The following ZNF521 variants were observed in gnomAD, a reference collection of about 807,000 sequenced individuals.
ZNF521 encodes the protein LYST-interacting protein 3.
Under a neutral mutation model 105.5 loss-of-function variants are expected in ZNF521, and 14 were observed. The ratio of observed to expected loss-of-function variants is 0.13; its 90% CI spans 0.09 to 0.21. The LOEUF (loss-of-function observed/expected upper bound fraction) is 0.21. Among genes scored for constraint, ZNF521 ranks in the 10% least tolerant of loss-of-function variants. The pLI is 1.00. For missense variants in ZNF521, 1,233 were observed against 1,629.7 expected, an observed-to-expected ratio of 0.76 and a Z score of 4.19; for synonymous variants, 635 against 606.0, an observed-to-expected ratio of 1.05 and a Z score of -0.70.
chr18:25,214,213 G>C (rs2036241654), intron 4 of ZNF521, among the ~76,000 whole-genome samples: 1 of 151,956 alleles, frequency 6.6e-6, no homozygotes, highest in Non-Finnish European at 1.5e-5. Flanking sequence ...AAGTCATTTT[G>C]CTCCTCATTC....
chr18:25,090,720 C>A (rs1372838148), intron 6 of ZNF521, among the ~76,000 whole-genome samples: 1 of 152,108 alleles, frequency 6.6e-6, no homozygotes, highest in Non-Finnish European at 1.5e-5. Flanking sequence ...AGGCTTCTGG[C>A]TACAACATGA....
chr18:25,206,668 G>A (rs2036086476), intron 4 of ZNF521, among the ~76,000 whole-genome samples: 1 of 151,372 alleles, frequency 6.6e-6, no homozygotes. Context: ...CTTTCTCTTA[G>A]CAGTTCTTAC....
chr18:25,062,749 TAACAAAAAAAAAAAAA>T lies in ZNF521; in HGVS notation c.3907-24_3907-9del. On this transcript the variant is annotated splice_polypyrimidine_tract_variant and intron_variant, in intron 7 of 7. Coordinates refer to ENST00000361524, the MANE Select transcript of ZNF521 (RefSeq NM_015461.3). ...TTGGGTCATTGTATGATTCTGTAAA[TAACAAAAAAAAAAAAA>T]AAAAAAAAAAAAAAAAAAAAGAGAA... 1 of 204,570 alleles carries T rather than the reference TAACAAAAAAAAAAAAA, an allele frequency of 4.9e-6. No individual in the cohort carries two copies. The highest frequency in any genetic ancestry group is 7.1e-6 in the Non-Finnish European group (1 of 140,840). The allele number at this position is 204,570 out of a possible 1,614,324, so 12.7% of individuals were successfully genotyped here.
intron 3 of ZNF521, among the ~76,000 whole-genome samples, chr18:25,319,819 T>G (rs1912840397): frequency 6.6e-6 from 1 of 152,160 alleles, no homozygotes; most frequent in African/African-American, 2.4e-5. Context: ...TCTGATGCAC[T>G]GAGAAGGGTG....
intron 4 of ZNF521, among the ~76,000 whole-genome samples, chr18:25,197,220 A>AT (rs1289008863): frequency 1.3e-5 from 2 of 151,836 alleles, no homozygotes; most frequent in Non-Finnish European, 3.0e-5. Flanking sequence ...ACTATGTTAT[A>AT]TTTTTTATTA....
At chr18:25,188,565 C>A (rs1243493416) in intron 5 of ZNF521, among the ~76,000 whole-genome samples, 1 of 152,138 alleles carries the variant, frequency 6.6e-6, no homozygotes, top group African/African-American at 2.4e-5. Flanking sequence ...AAATGCTTTG[C>A]AAGCTTCATT....
chr18:25,194,056 A>G (rs1157424377), intron 5 of ZNF521, among the ~76,000 whole-genome samples: 1 of 151,864 alleles, frequency 6.6e-6, no homozygotes, highest in African/African-American at 2.4e-5. Context: ...TAATGATCAG[A>G]AATGACAGGG....
chr18:25,254,125 T>A (rs1466027084), intron 3 of ZNF521, among the ~76,000 whole-genome samples: 22 of 152,120 alleles, frequency 1.4e-4, no homozygotes, highest in Admixed American at 1.4e-3. Context: ...TAATGAAGTC[T>A]TTTCATTTTG....
chr18:25,333,430 A>G (rs907602065), intron 2 of ZNF521, among the ~76,000 whole-genome samples: 2 of 152,086 alleles, frequency 1.3e-5, no homozygotes, highest in African/African-American at 4.8e-5. Context: ...AAAGAGAATA[A>G]TAAGGAAAAT....
At chr18:25,207,091 C>T (rs1236739146) in intron 4 of ZNF521, among the ~76,000 whole-genome samples, 2 of 152,086 alleles carry the variant, frequency 1.3e-5, no homozygotes, top group African/African-American at 2.4e-5. Flanking sequence ...AAAAAAAATG[C>T]CCCCATATTC....
intron 5 of ZNF521, among the ~76,000 whole-genome samples, chr18:25,129,743 C>T (rs1164423957): frequency 6.6e-6 from 1 of 151,978 alleles, no homozygotes; most frequent in Non-Finnish European, 1.5e-5. Context: ...AGATGCTCTG[C>T]ATCATGTGTC....
chr18:25,195,481 T>C (rs2035887071), intron 4 of ZNF521, among the ~76,000 whole-genome samples: 1 of 151,706 alleles, frequency 6.6e-6, no homozygotes, highest in African/African-American at 2.4e-5. Context: ...AATTATGGCA[T>C]AATATATTTT....
At chr18:25,290,595 G>A (rs1258498448) in intron 3 of ZNF521, among the ~76,000 whole-genome samples, 1 of 149,782 alleles carries the variant, frequency 6.7e-6, no homozygotes, top group African/African-American at 2.5e-5. Context: ...TTGATGCACA[G>A]TAGGCCATAT....
At chr18:25,320,224 C>G (rs7234592) in intron 3 of ZNF521, among the ~76,000 whole-genome samples, 35,895 of 152,026 alleles carry the variant, frequency 0.24, 4,868 homozygotes, top group South Asian at 0.35. Flanking sequence ...CCAGGCTGGA[C>G]TGCAATGGCG....
chr18:25,333,984 C>T (rs9955825), intron 2 of ZNF521, among the ~76,000 whole-genome samples: 1 of 151,882 alleles, frequency 6.6e-6, no homozygotes, highest in African/African-American at 2.4e-5. Flanking sequence ...AGTAACAGCA[C>T]GGAGAAGAAA....
intron 3 of ZNF521, among the ~76,000 whole-genome samples, chr18:25,295,483 T>C (rs1013660788): frequency 1.2e-4 from 19 of 152,164 alleles, no homozygotes; most frequent in Non-Finnish European, 4.4e-5. Context: ...GGATTGTCTG[T>C]AACACAAAAG....
intron 3 of ZNF521, among the ~76,000 whole-genome samples, chr18:25,277,843 T>C (rs1465499135): frequency 1.3e-5 from 2 of 151,968 alleles, no homozygotes; most frequent in Non-Finnish European, 2.9e-5. Flanking sequence ...AGGAAAGAAA[T>C]AAGGAAGAAA....
chr18:25,111,906 C>T (rs760814899), intron 5 of ZNF521, among the ~76,000 whole-genome samples: 2 of 152,138 alleles, frequency 1.3e-5, no homozygotes, highest in Non-Finnish European at 2.9e-5. Context: ...CTCGGCGTGG[C>T]GGAGTAATGG....
chr18:25,321,693 A>C (rs1912940964), intron 3 of ZNF521, among the ~76,000 whole-genome samples: 1 of 152,202 alleles, frequency 6.6e-6, no homozygotes, highest in African/African-American at 2.4e-5. Flanking sequence ...AAGGTATTCA[A>C]AGGATTTTTA....
Sources: allele counts gnomAD v4.1 joint callset (sites outside exome capture counted in the v4.1 genomes callset), GRCh38; gene constraint gnomAD v4.1.1; transcripts MANE v1.5; gene names NCBI Gene and HGNC (gene_info 2026-07-23, HGNC 2026-07-21).